The following TMEM132B variants were observed in gnomAD, a reference collection of about 807,000 sequenced individuals.
TMEM132B encodes the protein transmembrane protein 132B.
In TMEM132B, 18 loss-of-function variants were observed where a neutral mutation model predicts 90.8. The ratio of observed to expected loss-of-function variants is 0.20; its 90% CI spans 0.14 to 0.29. The LOEUF (loss-of-function observed/expected upper bound fraction) is 0.29, where lower values mean the gene tolerates loss of function less well. Among genes scored for constraint, TMEM132B ranks in the 10% least tolerant of loss-of-function variants. The probability of loss-of-function intolerance (pLI) is 1.00; values close to 1 mark genes in which losing one functional copy is unlikely to be tolerated. For synonymous variants in TMEM132B, 504 were observed against 523.3 expected, an observed-to-expected ratio of 0.96 and a Z score of 0.50; for missense variants, 1,096 against 1,326.8, an observed-to-expected ratio of 0.83 and a Z score of 2.70.
At chr12:125,647,334 A>G (rs1886790880) in intron 6 of TMEM132B, among the ~76,000 whole-genome samples, 1 of 152,250 alleles carries the variant, frequency 6.6e-6, no homozygotes, top group African/African-American at 2.4e-5. Flanking sequence ...CAATTTGTCA[A>G]GAGACATAAA....
chr12:125,440,929 C>T (rs1880852877), intron 3 of TMEM132B, among the ~76,000 whole-genome samples: 2 of 152,196 alleles, frequency 1.3e-5, no homozygotes, highest in African/African-American at 4.8e-5. Flanking sequence ...CCCACAATCC[C>T]CTCTGCTCCC....
At chr12:125,441,500 C>A (rs1880869665) in intron 3 of TMEM132B, among the ~76,000 whole-genome samples, 1 of 152,210 alleles carries the variant, frequency 6.6e-6, no homozygotes, top group Admixed American at 6.5e-5. Context: ...GGGTTTCTTT[C>A]TAAATGCAAA....
At chr12:125,561,898 G>T (rs1884542086) in intron 4 of TMEM132B, among the ~76,000 whole-genome samples, 1 of 152,138 alleles carries the variant, frequency 6.6e-6, no homozygotes. Context: ...TCAACTTAAA[G>T]TCACCAGCAG....
intron 3 of TMEM132B, among the ~76,000 whole-genome samples, chr12:125,518,844 T>C (rs1883232051): frequency 6.6e-6 from 1 of 152,246 alleles, no homozygotes; most frequent in Admixed American, 6.5e-5. Flanking sequence ...TCCAGTGTAG[T>C]ATCTTCTTAT....
At chr12:125,471,466 CTTG>C (rs1330088056) in intron 3 of TMEM132B, among the ~76,000 whole-genome samples, 1 of 152,240 alleles carries the variant, frequency 6.6e-6, no homozygotes, top group Non-Finnish European at 1.5e-5. Flanking sequence ...TGGCTGACTT[CTTG>C]TTGTGATAAT....
chr12:125,651,495 A>C (rs2137049507), intron 7 of TMEM132B, among the ~76,000 whole-genome samples: 1 of 152,376 alleles, frequency 6.6e-6, no homozygotes, highest in Middle Eastern at 3.4e-3. Flanking sequence ...TTCTTTATAC[A>C]AACTTAAAAT....
chr12:125,621,511 C>T (rs1886111622), intron 5 of TMEM132B, among the ~76,000 whole-genome samples: 1 of 151,958 alleles, frequency 6.6e-6, no homozygotes, highest in South Asian at 2.1e-4. Context: ...GTATGTGGAC[C>T]AAATTTATGG....
At chr12:125,550,519 T>C (rs1271861010) in intron 4 of TMEM132B, among the ~76,000 whole-genome samples, 1 of 152,262 alleles carries the variant, frequency 6.6e-6, no homozygotes, top group Non-Finnish European at 1.5e-5. Flanking sequence ...AGTTAGGTAC[T>C]AACATATGTA....
chr12:125,248,678 G>A (rs557944453), intron 1 of TMEM132B, among the ~76,000 whole-genome samples: 8 of 152,298 alleles, frequency 5.3e-5, no homozygotes, highest in African/African-American at 1.9e-4. Context: ...TTATTTATGT[G>A]TTGGCTTATG....
At chr12:125,278,464 TG>T (rs1346730313) in intron 1 of TMEM132B, among the ~76,000 whole-genome samples, 2 of 144,818 alleles carry the variant, frequency 1.4e-5, no homozygotes, top group Non-Finnish European at 3.0e-5. Context: ...ATGTCAAAAA[TG>T]GGAATCTCCA....
Position 125,445,523 on chromosome 12 carries a change from G to A in TMEM132B, c.1106+29846G>A, listed in dbSNP as rs566329322. The stretch of plus-strand genomic sequence containing the variant: ...ACACTGGAGGAACATGGTAGGAGGA[G>A]GGATCTGCATCTGGAGTGCTGCTCT... On this transcript the variant is annotated intron_variant, in intron 3 of 8. Coordinates refer to ENST00000682704, the MANE Select transcript of TMEM132B (RefSeq NM_001366854.1). The surrounding 1 kb of genome is among the most constrained non-coding windows in gnomAD (Gnocchi z 4.3). Among the ~76,000 whole-genome samples the A allele has an allele frequency of 3.9e-5, 6 of 152,334 alleles. No individual in the cohort carries two copies. The highest frequency in any genetic ancestry group is 4.1e-4 in the South Asian group (2 of 4,822).
intron 4 of TMEM132B, among the ~76,000 whole-genome samples, chr12:125,527,491 A>G (rs1457874980): frequency 3.8e-5 from 2 of 52,164 alleles, no homozygotes; most frequent in African/African-American, 1.8e-4. Context: ...CACCCTTCCA[A>G]CCACCCATCC....
intron 1 of TMEM132B, among the ~76,000 whole-genome samples, chr12:125,224,103 G>C (rs1396676437): frequency 6.6e-6 from 1 of 152,160 alleles, no homozygotes; most frequent in Non-Finnish European, 1.5e-5. Context: ...AACCCCATTG[G>C]AGTATGTGTC....
At chr12:125,336,598 A>T (rs1876969032) in intron 1 of TMEM132B, among the ~76,000 whole-genome samples, 1 of 152,238 alleles carries the variant, frequency 6.6e-6, no homozygotes. Context: ...AACAAGTCTG[A>T]ATCAGTGAGA....
In TMEM132B at chr12:125,575,032, A is replaced by G. The variant is rs561584078; in HGVS notation, c.1294-8819A>G. ...CTAGAATATTTCCATCACTCCTCCA[A>G]TGAAATCCCAAACCTATTAGCTGTC... On this transcript the variant is annotated intron_variant, in intron 4 of 8. Transcript: ENST00000682704. 1.0e-3 allele frequency among the ~76,000 whole-genome samples: 135 copies of G among 129,332 alleles called. 2 individuals are homozygous for G. Among genetic ancestry groups the G allele is most frequent in the Middle Eastern group, 3.8e-3 (1 of 260 alleles). 84.8% of individuals were successfully genotyped at this position (129,332 alleles called of 152,430 possible). A position where few individuals can be genotyped will look rare whatever the true frequency, so the allele number is the denominator to read the frequency against.
intron 4 of TMEM132B, among the ~76,000 whole-genome samples, chr12:125,561,135 A>G (rs891887559): frequency 1.3e-5 from 2 of 152,220 alleles, no homozygotes; most frequent in South Asian, 2.1e-4. Flanking sequence ...ATGTCCATCA[A>G]TGATAAACTG....
intron 2 of TMEM132B, among the ~76,000 whole-genome samples, chr12:125,394,201 A>T (rs1210830871): frequency 1.3e-5 from 2 of 152,220 alleles, no homozygotes; most frequent in African/African-American, 2.4e-5. Context: ...CATTTTACTG[A>T]TCAGAAAACT....
intron 1 of TMEM132B, among the ~76,000 whole-genome samples, chr12:125,299,480 C>T (rs947126305): frequency 5.9e-5 from 9 of 152,198 alleles, no homozygotes; most frequent in East Asian, 3.9e-4. Context: ...CTCCAGTCTG[C>T]GGCCTTCCAG....
At chr12:125,266,457 A>T (rs1874698991) in intron 1 of TMEM132B, among the ~76,000 whole-genome samples, 1 of 152,234 alleles carries the variant, frequency 6.6e-6, no homozygotes, top group South Asian at 2.1e-4. Context: ...ATAACTGAGC[A>T]TAATTATAAT....
Sources: allele counts gnomAD v4.1 joint callset (sites outside exome capture counted in the v4.1 genomes callset), GRCh38; gene constraint gnomAD v4.1.1; non-coding constraint Gnocchi (gnomAD v3.1); transcripts MANE v1.5; gene names NCBI Gene and HGNC (gene_info 2026-07-23, HGNC 2026-07-21).